The following SLC9C1 variants were observed in gnomAD, a reference collection of about 807,000 sequenced individuals.
The protein encoded by SLC9C1 is solute carrier family 9 member C1, also known as sodium/hydrogen exchanger 10.
SLC9C1 carries 97 observed loss-of-function variants against 140.9 expected under a neutral mutation model. The ratio of observed to expected loss-of-function variants is 0.69; its 90% CI spans 0.58 to 0.82. SLC9C1 has a LOEUF of 0.82. Among genes scored for constraint, SLC9C1 ranks in the 40% least tolerant of loss-of-function variants. The pLI is 0.00. For missense variants in SLC9C1, 1,340 were observed against 1,389.3 expected (o/e 0.96, Z 0.56); for synonymous variants, 440 against 442.6 (o/e 0.99, Z 0.07).
chr3:112,225,043 C>A (rs969300840), intron 13 of SLC9C1, among the ~76,000 whole-genome samples: 2 of 152,048 alleles, frequency 1.3e-5, no homozygotes, highest in African/African-American at 4.8e-5. Flanking sequence ...GGTCAAATAT[C>A]CCCCAAAAGA....
chr3:112,244,141 C>A (rs561408418), intron 10 of SLC9C1, 65 bp from the exon 11 acceptor site: 3 of 973,540 alleles, frequency 3.1e-6, no homozygotes, highest in Admixed American at 4.7e-5. Flanking sequence ...CCTATATTTA[C>A]CAATATAAAT....
intron 20 of SLC9C1, among the ~76,000 whole-genome samples, chr3:112,190,504 T>C: frequency 6.6e-6 from 1 of 152,220 alleles, no homozygotes; most frequent in Middle Eastern, 3.2e-3. Context: ...CATTTTAGTC[T>C]ACCATATTTA....
At chr3:112,170,644 G>A (rs984952381) in intron 23 of SLC9C1, among the ~76,000 whole-genome samples, 2 of 152,058 alleles carry the variant, frequency 1.3e-5, no homozygotes, top group Admixed American at 6.6e-5. Flanking sequence ...TGTTATTTGA[G>A]GGGAGCAAAC....
At chr3:112,263,608 G>A (rs1007337481) in intron 9 of SLC9C1, among the ~76,000 whole-genome samples, 2 of 151,346 alleles carry the variant, frequency 1.3e-5, no homozygotes, top group Admixed American at 6.6e-5. Context: ...CTTGGCACTA[G>A]ATGCCTTGAC....
In SLC9C1 at chr3:112,147,508, T is replaced by A. The variant is rs989259727; in HGVS notation, c.3524+4349A>T. 3.1e-5 allele frequency: 13 copies of A among 422,624 alleles called. No individual in the cohort carries two copies. The Admixed American group carries it at 3.2e-4, about 11-fold the overall frequency. 26.2% of individuals were successfully genotyped at this position (422,624 alleles called of 1,614,324 possible). On this transcript the variant is annotated intron_variant, in intron 28 of 28. Transcript: ENST00000305815. ...GTAATGAATTCCCTTAGCACTTTCT[T>A]GTCTGGAAAGTTAATTTTCCTTTGC...
intron 7 of SLC9C1, 44 bp downstream of exon 7, chr3:112,269,872 A>G: frequency 7.0e-7 from 1 of 1,424,426 alleles, no homozygotes. Context: ...TTTATTTTGA[A>G]GTTTTCTATG....
At chr3:112,165,233 C>A in intron 26 of SLC9C1, among the ~76,000 whole-genome samples, 1 of 152,150 alleles carries the variant, frequency 6.6e-6, no homozygotes, top group East Asian at 1.9e-4. Flanking sequence ...TCCTTTAGCT[C>A]AGAGATGTTT....
chr3:112,204,967 G>T (rs2078005419), intron 16 of SLC9C1, among the ~76,000 whole-genome samples: 1 of 152,034 alleles, frequency 6.6e-6, no homozygotes, highest in Admixed American at 6.6e-5. Context: ...GGATAACGCA[G>T]AATAAGTTAT....
At chr3:112,292,790 G>A (rs62278761) in intron 1 of SLC9C1, among the ~76,000 whole-genome samples, 72,086 of 150,974 alleles carry the variant, frequency 0.48, 17,968 homozygotes, top group Middle Eastern at 0.63. Context: ...TGATCTGCCC[G>A]CCTCGGCCTC....
intron 26 of SLC9C1, among the ~76,000 whole-genome samples, 200 bp from the exon 27 acceptor site, chr3:112,155,249 A>G (rs2075097162): frequency 6.6e-6 from 1 of 152,184 alleles, no homozygotes; most frequent in Non-Finnish European, 1.5e-5. Context: ...AGATGATATA[A>G]TAAATGTGCA....
chr3:112,172,801 A>G (rs1477548184), intron 23 of SLC9C1, among the ~76,000 whole-genome samples: 1 of 152,042 alleles, frequency 6.6e-6, no homozygotes, highest in African/African-American at 2.4e-5. Context: ...AATATCTTAT[A>G]TAAATTTTCT....
intron 20 of SLC9C1, among the ~76,000 whole-genome samples, chr3:112,184,383 A>T (rs1229259612): frequency 8.4e-6 from 1 of 119,420 alleles, no homozygotes; most frequent in Non-Finnish European, 1.7e-5. Context: ...CATGCCTGTA[A>T]TCCCAGCACT....
chr3:112,163,891 T>G (rs1268115113), intron 26 of SLC9C1, among the ~76,000 whole-genome samples: 1 of 152,028 alleles, frequency 6.6e-6, no homozygotes, highest in Non-Finnish European at 1.5e-5. Context: ...CTCCCATTAT[T>G]AATGTGTGGG....
chr3:112,278,783 G>A lies in SLC9C1; in HGVS notation c.264C>T (p.Phe88=). 1.9e-6 allele frequency: 3 copies of A among 1,610,996 alleles called. No homozygotes were observed. The highest frequency in any genetic ancestry group is 2.5e-6 in the Non-Finnish European group (3 of 1,178,684). The change falls in exon 4 of 29, where the codon TTC becomes TTT. Residue 88 remains phenylalanine, a synonymous_variant. Transcript: ENST00000305815. The stretch of plus-strand genomic sequence containing the variant: ...TATCCATGTCAAATGCAGTAGTAAA[G>A]AAAACTACTGGTGTAAATATACGAA... ...LFFRIFTPVV[F]FTTAFDMDTY...
At chr3:112,210,909 AG>A in intron 15 of SLC9C1, among the ~76,000 whole-genome samples, 1 of 152,238 alleles carries the variant, frequency 6.6e-6, no homozygotes, top group South Asian at 2.1e-4. Context: ...GATGCAGCTA[AG>A]GTTTATAGTG....
intron 15 of SLC9C1, among the ~76,000 whole-genome samples, chr3:112,209,744 T>C (rs933286350): frequency 2.4e-4 from 36 of 152,270 alleles, no homozygotes; most frequent in Middle Eastern, 3.4e-3. Flanking sequence ...ATATTTAAAA[T>C]AGCACCAAAA....
chr3:112,154,328 A>C (rs2075068232), intron 27 of SLC9C1, among the ~76,000 whole-genome samples: 1 of 152,170 alleles, frequency 6.6e-6, no homozygotes, highest in Non-Finnish European at 1.5e-5. Flanking sequence ...AGACACAGGT[A>C]GGATGATGTA....
At chr3:112,259,167 C>T (rs1019233840) in intron 10 of SLC9C1, among the ~76,000 whole-genome samples, 1 of 152,024 alleles carries the variant, frequency 6.6e-6, no homozygotes, top group Non-Finnish European at 1.5e-5. Context: ...GAGCTGGAGG[C>T]CATTATCTTT....
chr3:112,210,297 G>A (rs1031610312), intron 15 of SLC9C1, among the ~76,000 whole-genome samples: 1 of 152,162 alleles, frequency 6.6e-6, no homozygotes, highest in African/African-American at 2.4e-5. Context: ...TAAATAAAAT[G>A]TGGTATATAT....
Sources: allele counts gnomAD v4.1 joint callset (sites outside exome capture counted in the v4.1 genomes callset), GRCh38; gene constraint gnomAD v4.1.1; transcripts MANE v1.5; gene names NCBI Gene and HGNC (gene_info 2026-07-23, HGNC 2026-07-21).